Variants in USP34 observed in about 807,000 individuals in gnomAD.
USP34 encodes ubiquitin specific peptidase 34.
In USP34, 70 loss-of-function variants were observed where a neutral mutation model predicts 460.3. That is an observed-to-expected ratio of 0.15 (90% CI 0.13 to 0.19). USP34 has a LOEUF of 0.19. USP34 is among the 10% of genes least tolerant of loss of function. USP34 has a pLI of 1.00. For synonymous variants in USP34, 1,647 were observed against 1,405.3 expected (o/e 1.17, Z -3.85); for missense variants, 3,985 against 4,236.2 (o/e 0.94, Z 1.65).
rs1287885779 is a variant in USP34 at position 61,350,397 on chromosome 2, A to C, written c.1378-8T>G. On this transcript the variant is annotated splice_polypyrimidine_tract_variant and splice_region_variant and intron_variant, in intron 11 of 79. Coordinates refer to ENST00000398571, the MANE Select transcript of USP34 (RefSeq NM_014709.4). Reference sequence around the variant, plus strand: ...GGATGCCAAGTACAGTGTCTAAAAAAAAGAGGGAGAGATTTCAGTTTGAGA... The same window carrying C: ...GGATGCCAAGTACAGTGTCTAAAAACAAGAGGGAGAGATTTCAGTTTGAGA... 4 of 1,599,776 alleles carry C rather than the reference A, an allele frequency of 2.5e-6. No homozygotes were observed. Among genetic ancestry groups the C allele is most frequent in the African/African-American group, 1.3e-5 (1 of 74,194 alleles).
intron 18 of USP34, among the ~76,000 whole-genome samples, chr2:61,338,486 A>G (rs767821274): frequency 6.6e-6 from 1 of 152,270 alleles, no homozygotes; most frequent in Non-Finnish European, 1.5e-5. Context: ...ATGTACTTTT[A>G]AAATTCAATA....
At chr2:61,210,028 AGT>A (rs754736227) in intron 69 of USP34, among the ~76,000 whole-genome samples, 4 of 145,010 alleles carry the variant, frequency 2.8e-5, no homozygotes, top group South Asian at 2.1e-4. Flanking sequence ...GTGTTATGAT[AGT>A]GTGTTTTAAG....
Position 61,226,466 on chromosome 2 carries a change from C to G in USP34, c.7595+601G>C, listed in dbSNP as rs2103820545. Among the ~76,000 whole-genome samples, 7 of 152,096 alleles carry G rather than the reference C, an allele frequency of 4.6e-5. No individual in the cohort carries two copies. The Middle Eastern group carries it at 0.024, about 517-fold the overall frequency. On this transcript the variant is annotated intron_variant, in intron 62 of 79. Coordinates refer to ENST00000398571, the MANE Select transcript of USP34 (RefSeq NM_014709.4). ...ACATACACACACACACATACACACT[C>G]TCTCTCTCTGTCATCATAGCATTCC...
In USP34 at chr2:61,344,149, TTAA is replaced by T. The variant is rs376682587; in HGVS notation, c.2286-123_2286-121del. On this transcript the variant is annotated intron_variant, in intron 15 of 79. Coordinates refer to ENST00000398571, the MANE Select transcript of USP34 (RefSeq NM_014709.4). ...TTAGAAACAAACCGACATCTGCTTA[TTAA>T]CAATATGGAATGTTGAGAGCTTTAC... 3.2e-3 allele frequency: 2,793 copies of T among 863,138 alleles called. 22 individuals are homozygous for T. Among genetic ancestry groups the T allele is most frequent in the South Asian group, 0.01 (583 of 57,264 alleles). The allele number at this position is 863,138 out of a possible 1,614,324, so 53.5% of individuals were successfully genotyped here.
At position 61,188,428 on chromosome 2, in the gene USP34, A is replaced by G. The variant is rs762318901; in HGVS notation, c.10315T>C (p.Ser3439Pro). 3 of 1,614,172 alleles carry G rather than the reference A, an allele frequency of 1.9e-6. No individual in the cohort carries two copies. In the South Asian group the frequency reaches 3.3e-5, roughly 18 times the overall value. Residue 3439 changes from serine to proline, a missense_variant, in exon 80 of 80, where the codon TCC becomes CCC. Ser to Pro is a moderately conservative substitution (Grantham distance 74). Around this residue, in one of 14 missense-constraint regions of USP34, gnomAD observed 506 missense variants for 439.0 expected, o/e 1.15. Coordinates refer to ENST00000398571, the MANE Select transcript of USP34 (RefSeq NM_014709.4). ...CAATCGTCATATCTACCATTGTTGG[A>G]CTGTTCTTCTGCATGCTGTGACCTG... ...NIRSQHAEEQ[S>P]NNGRYDDCKE... is the part of the protein sequence containing the mutation.
At chr2:61,236,262 A>C in intron 54 of USP34, 26 bp from the exon 55 acceptor site, 1 of 1,599,642 alleles carries the variant, frequency 6.3e-7, no homozygotes, top group African/African-American at 1.3e-5. Flanking sequence ...AATCATTTAA[A>C]ATTCACACGT....
At chr2:61,349,027 A>C in intron 13 of USP34, 141 bp from the exon 14 acceptor site, 2 of 1,130,132 alleles carry the variant, frequency 1.8e-6, no homozygotes, top group East Asian at 5.2e-5. Context: ...AAATATGTTA[A>C]CATTTGCTCA....
intron 19 of USP34, among the ~76,000 whole-genome samples, chr2:61,332,530 T>C (rs1404086656): frequency 6.6e-6 from 1 of 152,012 alleles, no homozygotes; most frequent in Non-Finnish European, 1.5e-5. Context: ...GCCCCTTCTA[T>C]ACAAGAAAGT....
chr2:61,227,531 T>C (rs1687762054), intron 61 of USP34, among the ~76,000 whole-genome samples: 1 of 151,994 alleles, frequency 6.6e-6, no homozygotes, highest in African/African-American at 2.4e-5. Flanking sequence ...GCCGACATGG[T>C]GAAACTCCGT....
chr2:61,222,840 C>A, intron 64 of USP34, 177 bp from the exon 65 acceptor site: 1 of 684,690 alleles, frequency 1.5e-6, no homozygotes. Flanking sequence ...GGACTACAGG[C>A]ATGTGCCACT....
intron 62 of USP34, among the ~76,000 whole-genome samples, chr2:61,224,511 CA>C (rs1444318479): frequency 6.6e-6 from 1 of 152,114 alleles, no homozygotes; most frequent in Non-Finnish European, 1.5e-5. Context: ...TCTGGGATTC[CA>C]AAACAGTGAT....
intron 5 of USP34, among the ~76,000 whole-genome samples, chr2:61,386,848 C>CT (rs1164095653): frequency 6.6e-6 from 1 of 152,040 alleles, no homozygotes; most frequent in Non-Finnish European, 1.5e-5. Flanking sequence ...TTAAAAATGA[C>CT]TTTTTCAACC....
chr2:61,385,945 T>C (rs1012493603), intron 5 of USP34, among the ~76,000 whole-genome samples: 1 of 139,250 alleles, frequency 7.2e-6, no homozygotes, highest in Non-Finnish European at 1.5e-5. Flanking sequence ...TGCAGTAAGC[T>C]GAGATCGTCC....
At chr2:61,262,182 C>CTT (rs537665771) in intron 43 of USP34, among the ~76,000 whole-genome samples, 4,706 of 131,042 alleles carry the variant, frequency 0.036, 214 homozygotes, top group African/African-American at 0.11. Flanking sequence ...CACAGGTCTC[C>CTT]TTTTTTTTTT....
chr2:61,350,158 T>C (rs545416599), intron 12 of USP34, 102 bp downstream of exon 12: 2 of 1,290,088 alleles, frequency 1.6e-6, no homozygotes, highest in Non-Finnish European at 2.1e-6. Flanking sequence ...ATCCCACACT[T>C]ATTTTAAAAT....
chr2:61,434,223 C>G (rs972019053), intron 1 of USP34, among the ~76,000 whole-genome samples: 1 of 152,298 alleles, frequency 6.6e-6, no homozygotes, highest in Middle Eastern at 3.4e-3. Context: ...CCTGCGCCCC[C>G]AATAAGGGCC....
At chr2:61,415,119 A>T (rs545079314) in intron 2 of USP34, among the ~76,000 whole-genome samples, 1 of 152,156 alleles carries the variant, frequency 6.6e-6, no homozygotes, top group Non-Finnish European at 1.5e-5. Flanking sequence ...CTAGGAAGTC[A>T]GCGTGAATTG....
At chr2:61,422,918 C>A (rs948085983) in intron 1 of USP34, among the ~76,000 whole-genome samples, 4 of 151,978 alleles carry the variant, frequency 2.6e-5, no homozygotes, top group African/African-American at 9.7e-5. Context: ...AAGGATCACT[C>A]GAACCTGGAA....
chr2:61,297,697 C>A (rs1015452102), intron 29 of USP34, among the ~76,000 whole-genome samples: 5 of 152,078 alleles, frequency 3.3e-5, no homozygotes, highest in African/African-American at 1.2e-4. Context: ...AAACTTAGTT[C>A]TTTTGGTATA....
Sources: gnomAD v4.1 joint callset for allele counts (sites outside exome capture counted in the v4.1 genomes callset) on GRCh38, gnomAD v4.1.1 for gene constraint, gnomAD v4.1.1 regional missense constraint, MANE v1.5 for transcripts, NCBI Gene and HGNC (gene_info 2026-07-23, HGNC 2026-07-21) for gene names.